ZNF521: variants seen among roughly 807,000 people sequenced by gnomAD.
ZNF521 encodes LYST-interacting protein 3.
Under a neutral mutation model 105.5 loss-of-function variants are expected in ZNF521, and 14 were observed. That is an observed-to-expected ratio of 0.13 (90% CI 0.09 to 0.21). ZNF521 has a LOEUF of 0.21. ZNF521 is among the 10% of genes least tolerant of loss of function. The pLI is 1.00. For synonymous variants in ZNF521, 635 were observed against 606.0 expected, an observed-to-expected ratio of 1.05 and a Z score of -0.70; for missense variants, 1,233 against 1,629.7, an observed-to-expected ratio of 0.76 and a Z score of 4.19.
At chr18:25,328,258 CG>C in intron 2 of ZNF521, among the ~76,000 whole-genome samples, 1 of 152,134 alleles carries the variant, frequency 6.6e-6, no homozygotes, top group East Asian at 1.9e-4. Flanking sequence ...AGGTCTATCA[CG>C]GTCCTTGAAG....
rs141560475 is a variant in ZNF521, at chr18:25,225,908, G to A, written c.2010C>T (p.Asn670=). Reference sequence around the variant, plus strand: ...AGGATTCTTGGTTGGGGAATTCCTTGTTGCACTGAGGACAGGTCAATTTTG... The same window carrying A: ...AGGATTCTTGGTTGGGGAATTCCTTATTGCACTGAGGACAGGTCAATTTTG... The part of the protein sequence containing the change: ...VLPKLTCPQC[N]KEFPNQESLL... Residue 670 remains asparagine (N), a synonymous_variant, in exon 4 of 8, where the codon AAC becomes AAT. Transcript: ENST00000361524. The surrounding 1 kb of genome is among the most constrained non-coding windows in gnomAD (Gnocchi z 5.6). The A allele has an allele frequency of 1.5e-4, 243 of 1,614,046 alleles. No homozygotes were observed. The highest frequency in any genetic ancestry group is 1.9e-4 in the Non-Finnish European group (220 of 1,180,040).
At chr18:25,293,972 C>G (rs975547398) in intron 3 of ZNF521, among the ~76,000 whole-genome samples, 4 of 152,106 alleles carry the variant, frequency 2.6e-5, no homozygotes, top group Admixed American at 6.5e-5. Context: ...GATGTGAACT[C>G]TAGTTAATGA....
At chr18:25,117,130 A>G (rs1362912379) in intron 5 of ZNF521, among the ~76,000 whole-genome samples, 3 of 149,880 alleles carry the variant, frequency 2.0e-5, no homozygotes, top group African/African-American at 7.4e-5. Context: ...CTGCTCTTGT[A>G]TGGTTCAGAA....
At chr18:25,132,731 C>T (rs762053593) in intron 5 of ZNF521, among the ~76,000 whole-genome samples, 1 of 152,168 alleles carries the variant, frequency 6.6e-6, no homozygotes, top group Non-Finnish European at 1.5e-5. Flanking sequence ...GACAAGCCCA[C>T]ATTTGGTAAT....
At chr18:25,279,080 T>C (rs1244999469) in intron 3 of ZNF521, among the ~76,000 whole-genome samples, 5 of 152,154 alleles carry the variant, frequency 3.3e-5, no homozygotes, top group African/African-American at 9.7e-5. Flanking sequence ...CCATAATCTG[T>C]CATGCCACCC....
At chr18:25,153,860 C>A (rs1338649714) in intron 5 of ZNF521, among the ~76,000 whole-genome samples, 1 of 152,156 alleles carries the variant, frequency 6.6e-6, no homozygotes, top group Non-Finnish European at 1.5e-5. Context: ...AAAGGTTCAC[C>A]AGTCGTAATA....
intron 5 of ZNF521, among the ~76,000 whole-genome samples, chr18:25,184,286 T>C (rs1184590593): frequency 2.0e-5 from 3 of 152,188 alleles, no homozygotes; most frequent in Admixed American, 6.5e-5. Flanking sequence ...CCTGTTACAG[T>C]AGATAGAAAG....
chr18:25,075,524 C>T (rs2033340229), intron 7 of ZNF521, among the ~76,000 whole-genome samples: 1 of 152,152 alleles, frequency 6.6e-6, no homozygotes, highest in Non-Finnish European at 1.5e-5. Flanking sequence ...GTTTGGCGAG[C>T]CCAGTCACAT....
At chr18:25,075,910 G>A (rs2033350198) in intron 7 of ZNF521, among the ~76,000 whole-genome samples, 1 of 152,186 alleles carries the variant, frequency 6.6e-6, no homozygotes, top group Admixed American at 6.5e-5. Context: ...GCAATGCAGT[G>A]TGTGTCAGAA....
intron 5 of ZNF521, among the ~76,000 whole-genome samples, chr18:25,111,380 T>C (rs188812404): frequency 6.6e-6 from 1 of 152,310 alleles, no homozygotes; most frequent in Non-Finnish European, 1.5e-5. Context: ...AACCAGACGA[T>C]ATTAGAAGTC....
intron 3 of ZNF521, among the ~76,000 whole-genome samples, chr18:25,318,610 G>A (rs940749735): frequency 1.3e-5 from 2 of 152,066 alleles, no homozygotes; most frequent in Non-Finnish European, 2.9e-5. Flanking sequence ...TAAGGATAAT[G>A]GAAGCCAGGT....
At chr18:25,294,922 C>A (rs1229341428) in intron 3 of ZNF521, among the ~76,000 whole-genome samples, 1 of 146,882 alleles carries the variant, frequency 6.8e-6, no homozygotes. Context: ...CTGCTATCTG[C>A]GACATCCTTT....
intron 5 of ZNF521, among the ~76,000 whole-genome samples, chr18:25,109,550 T>C (rs1228026343): frequency 6.6e-6 from 1 of 152,236 alleles, no homozygotes; most frequent in African/African-American, 2.4e-5. Flanking sequence ...GAGGTCGTAC[T>C]AATTTACATT....
rs988909304 is a variant in ZNF521, at chr18:25,280,494, A to G, written c.220+41514T>C. 3.3e-5 allele frequency among the ~76,000 whole-genome samples: 5 copies of G among 152,124 alleles called. No individual in the cohort carries two copies. The East Asian group carries it at 5.8e-4, about 18-fold the overall frequency. ...CCTCCTTTTCTCTGTTTCAGATGCA[A>G]TAATCATTACCTGATGACAGTCTAC... is the stretch of plus-strand genomic sequence containing the variant. On this transcript the variant is annotated intron_variant, in intron 3 of 7. Transcript: ENST00000361524.
chr18:25,209,193 G>A (rs559257621), intron 4 of ZNF521, among the ~76,000 whole-genome samples: 1 of 151,574 alleles, frequency 6.6e-6, no homozygotes, highest in South Asian at 2.1e-4. Flanking sequence ...GTGCAGTGGC[G>A]CGATCTTGGC....
chr18:25,284,383 T>C (rs1390724142), intron 3 of ZNF521, among the ~76,000 whole-genome samples: 1 of 151,948 alleles, frequency 6.6e-6, no homozygotes, highest in Non-Finnish European at 1.5e-5. Flanking sequence ...CAACCGAGTC[T>C]GAAGCTTGCA....
rs567386053 is a variant in ZNF521 at position 25,157,915 on chromosome 18, C to T, written c.3658+37245G>A. 5.0e-4 allele frequency among the ~76,000 whole-genome samples: 76 copies of T among 152,182 alleles called. 3 individuals carry two copies. The South Asian group carries it at 0.011, about 22-fold the overall frequency. On this transcript the variant is annotated intron_variant, in intron 5 of 7. Coordinates refer to ENST00000361524, the MANE Select transcript of ZNF521 (RefSeq NM_015461.3). ...TACAGGTACCTGCCACCATGCCCAG[C>T]TAATTTTTTTGTATTTTTAGTAGAG...
intron 3 of ZNF521, among the ~76,000 whole-genome samples, chr18:25,257,303 G>C (rs538887266): frequency 4.5e-4 from 69 of 152,246 alleles, no homozygotes; most frequent in African/African-American, 1.6e-3. Flanking sequence ...TACTTGTCAT[G>C]ATGGGCTATT....
intron 5 of ZNF521, among the ~76,000 whole-genome samples, chr18:25,188,922 C>T (rs1040290241): frequency 6.6e-6 from 1 of 152,214 alleles, no homozygotes; most frequent in African/African-American, 2.4e-5. Context: ...AAATTAACAT[C>T]ATAAGAAATG....
Sources: allele counts gnomAD v4.1 joint callset (sites outside exome capture counted in the v4.1 genomes callset), GRCh38; gene constraint gnomAD v4.1.1; non-coding constraint Gnocchi (gnomAD v3.1); transcripts MANE v1.5; gene names NCBI Gene and HGNC (gene_info 2026-07-23, HGNC 2026-07-21).